Variants in ITFG2 observed in about 807,000 individuals in gnomAD.
ITFG2 encodes KICSTOR complex protein ITFG2.
Under a neutral mutation model 54.4 loss-of-function variants are expected in ITFG2, and 36 were observed. The ratio of observed to expected loss-of-function variants is 0.66; its 90% CI spans 0.51 to 0.87. ITFG2 has a LOEUF of 0.87. Among genes scored for constraint, ITFG2 ranks in the 40% least tolerant of loss-of-function variants. The probability of loss-of-function intolerance (pLI) is 0.00; values close to 1 mark genes in which losing one functional copy is unlikely to be tolerated. For synonymous variants in ITFG2, 211 were observed against 225.4 expected (o/e 0.94, Z 0.57); for missense variants, 524 against 576.7 (o/e 0.91, Z 0.94).
At chr12:2,854,896 T>C (rs1305222679) in intron 2 of ITFG2, 1 of 1,531,544 alleles carries the variant, frequency 6.5e-7, no homozygotes, top group African/African-American at 1.4e-5. Flanking sequence ...ACCGTCTTAC[T>C]TCTTGAAGCT....
intron 2 of ITFG2, chr12:2,848,975 C>T (rs2098061395): frequency 6.2e-6 from 3 of 482,522 alleles, no homozygotes; most frequent in African/African-American, 5.9e-5. Flanking sequence ...CCCTGCTCTA[C>T]CCAGCCTCCT....
chr12:2,838,839 T>C (rs1186508049), intron 1 of ITFG2, among the ~76,000 whole-genome samples: 1 of 152,192 alleles, frequency 6.6e-6, no homozygotes, highest in Non-Finnish European at 1.5e-5. Flanking sequence ...TCTAGCAATA[T>C]AAAGCTCTGA....
In ITFG2 at chr12:2,824,362, G is replaced by T; in HGVS notation, c.*169G>T. On this transcript the variant is annotated 3_prime_UTR_variant, in exon 12 of 12. Transcript: ENST00000228799. ...AGGGTGACCGTGAACTATAGACCTC[G>T]CAGTCTTTTCGGTGAAAGAAGAGAC... is the stretch of plus-strand genomic sequence containing the variant. The T allele has an allele frequency of 1.4e-6, 1 of 740,404 alleles. No homozygotes were observed. Among genetic ancestry groups the T allele is most frequent in the Non-Finnish European group, 2.4e-6 (1 of 422,524 alleles). The allele number at this position is 740,404 out of a possible 1,614,324, so 45.9% of individuals were successfully genotyped here.
intron 2 of ITFG2, chr12:2,857,114 G>C (rs2098089856): frequency 2.8e-6 from 2 of 702,080 alleles, no homozygotes; most frequent in African/African-American, 3.5e-5. Context: ...CTATGGTGAT[G>C]CTGCTTGAGT....
chr12:2,855,694 C>T (rs977226291), intron 2 of ITFG2, among the ~76,000 whole-genome samples: 1 of 152,176 alleles, frequency 6.6e-6, no homozygotes, highest in Admixed American at 6.5e-5. Flanking sequence ...TTGGCTTTGA[C>T]TTCCCACCCT....
intron 4 of ITFG2, among the ~76,000 whole-genome samples, chr12:2,819,056 G>A (rs962151767): frequency 1.6e-4 from 24 of 151,778 alleles, no homozygotes; most frequent in Middle Eastern, 3.5e-3. Flanking sequence ...GGTGGTTCAC[G>A]CCTGTAATCC....
chr12:2,821,863 C>T (rs551350726), intron 9 of ITFG2, 71 bp downstream of exon 9: 14 of 1,144,110 alleles, frequency 1.2e-5, no homozygotes, highest in Middle Eastern at 2.0e-4. Flanking sequence ...TTGGAATAAT[C>T]AGGCTATTCT....
downstream of ITFG2, chr12:2,827,531 G>A (rs2097974539): frequency 1.2e-5 from 19 of 1,592,890 alleles, no homozygotes; most frequent in South Asian, 1.9e-4. The surrounding 1 kb of genome is among the most constrained non-coding windows in gnomAD (Gnocchi z 4.0). Flanking sequence ...CCATCTCTAA[G>A]TCACTCTCAT....
exon 4 of ITFG2, chr12:2,859,774 T>C: frequency 1.3e-6 from 1 of 776,034 alleles, no homozygotes; most frequent in Non-Finnish European, 2.0e-6. Flanking sequence ...TTAAAATCTA[T>C]TAAATATGAG....
At chr12:2,851,287 A>G (rs2098070065) in intron 2 of ITFG2, among the ~76,000 whole-genome samples, 1 of 152,138 alleles carries the variant, frequency 6.6e-6, no homozygotes, top group Non-Finnish European at 1.5e-5. Context: ...AAGGCCTAGG[A>G]CATTACTGTA....
chr12:2,853,957 GC>G (rs1425408441), intron 2 of ITFG2, among the ~76,000 whole-genome samples: 1 of 152,156 alleles, frequency 6.6e-6, no homozygotes, highest in African/African-American at 2.4e-5. Flanking sequence ...CCTTCCTGTG[GC>G]GGGGACACTC....
At chr12:2,840,648 A>T (rs570846108) in intron 1 of ITFG2, among the ~76,000 whole-genome samples, 3 of 148,242 alleles carry the variant, frequency 2.0e-5, no homozygotes, top group East Asian at 2.1e-4. Context: ...TAGCCGGGCG[A>T]GGTGGCGGGC....
chr12:2,847,886 C>T (rs1290738690), intron 2 of ITFG2, among the ~76,000 whole-genome samples: 1 of 152,182 alleles, frequency 6.6e-6, no homozygotes, highest in African/African-American at 2.4e-5. Context: ...TCTATCAATA[C>T]TCAATTTCTT....
intron 3 of ITFG2, chr12:2,859,426 A>T: frequency 6.2e-7 from 1 of 1,614,092 alleles, no homozygotes; most frequent in South Asian, 1.1e-5. Flanking sequence ...GAATCCTCCC[A>T]GGAGTGAGAT....
Position 2,859,557 on chromosome 12 carries a change from G to A in ITFG2, n.644G>A. On this transcript the variant is annotated non_coding_transcript_exon_variant, in exon 4 of 4. Transcript: ENST00000537710. The stretch of plus-strand genomic sequence containing the variant: ...AGGCTGGATTTCTTCCTCCTTGATA[G>A]TCTGAACTGGAAGCAAAGGAGAAAA... The A allele has an allele frequency of 6.2e-7, 1 of 1,614,040 alleles. No individual in the cohort carries two copies. The highest frequency in any genetic ancestry group is 1.1e-5 in the South Asian group (1 of 91,088).
chr12:2,825,097 A>C (rs2153925291), downstream of ITFG2: 1 of 152,366 alleles, frequency 6.6e-6, no homozygotes, highest in East Asian at 1.9e-4. Context: ...AGTGTAGGTA[A>C]GTATTGTTTT....
intron 2 of ITFG2, chr12:2,849,591 C>T (rs1184433015): frequency 6.6e-6 from 10 of 1,513,124 alleles, no homozygotes; most frequent in African/African-American, 1.4e-5. Context: ...AGTGGAGAGA[C>T]GGGGAAGGGG....
At chr12:2,828,201 C>G, downstream of ITFG2, 1 of 1,141,372 alleles carries the variant, frequency 8.8e-7, no homozygotes, top group Non-Finnish European at 1.3e-6. Context: ...GTCTTCTAGC[C>G]ACTCTTTTGT....
chr12:2,815,713 A>G (rs2097919719), intron 1 of ITFG2, among the ~76,000 whole-genome samples: 1 of 152,212 alleles, frequency 6.6e-6, no homozygotes, highest in African/African-American at 2.4e-5. Flanking sequence ...AGGCATGTGT[A>G]ACCTAGAGCT....
Sources: gnomAD v4.1 joint callset for allele counts (sites outside exome capture counted in the v4.1 genomes callset) on GRCh38, gnomAD v4.1.1 for gene constraint, Gnocchi (gnomAD v3.1) non-coding constraint, MANE v1.5 for transcripts, NCBI Gene and HGNC (gene_info 2026-07-23, HGNC 2026-07-21) for gene names.